Variants in NSMF observed in about 807,000 individuals in gnomAD.
NSMF encodes NMDA receptor synaptonuclear signaling and neuronal migration factor, also known as nasal embryonic LHRH factor.
Under a neutral mutation model 71.0 loss-of-function variants are expected in NSMF, and 31 were observed. That is an observed-to-expected ratio of 0.44 (90% CI 0.33 to 0.59). The LOEUF (loss-of-function observed/expected upper bound fraction) is 0.59. Among genes scored for constraint, NSMF ranks in the 20% least tolerant of loss-of-function variants. The pLI is 0.04. For missense variants in NSMF, 673 were observed against 740.5 expected (o/e 0.91, Z 1.06); for synonymous variants, 345 against 287.1 (o/e 1.20, Z -2.04).
chr9:137,455,042 G>C, intron 6 of NSMF, 197 bp downstream of exon 6: 1 of 739,264 alleles, frequency 1.4e-6, no homozygotes. Flanking sequence ...TGCCCTCGGA[G>C]TGCAGGACTG....
At chr9:137,454,358 C>T in intron 7 of NSMF, 33 bp downstream of exon 7, 1 of 1,544,932 alleles carries the variant, frequency 6.5e-7, no homozygotes, top group East Asian at 2.4e-5. Context: ...AAGCGCAACG[C>T]CGCCCCCCCA....
At chr9:137,455,508 C>T (rs1025639831) in intron 5 of NSMF, 121 bp downstream of exon 5, 14 of 1,280,998 alleles carry the variant, frequency 1.1e-5, no homozygotes, top group African/African-American at 1.0e-4. Context: ...GAGCCAGGCC[C>T]GCAGAGAGCG....
At chr9:137,450,112 G>A (rs761871814) in intron 13 of NSMF, 64 bp downstream of exon 13, 2 of 1,584,800 alleles carry the variant, frequency 1.3e-6, no homozygotes, top group African/African-American at 2.7e-5. Flanking sequence ...TGTGGGGGAG[G>A]GACATGCCAG....
At chr9:137,455,792 A>G (rs1830803082) in intron 4 of NSMF, among the ~76,000 whole-genome samples, 158 bp from the exon 5 acceptor site, 1 of 152,248 alleles carries the variant, frequency 6.6e-6, no homozygotes, top group Admixed American at 6.5e-5. Context: ...GATGCTGGCT[A>G]CACTGCTGGC....
In NSMF at chr9:137,453,274, C is replaced by A; in HGVS notation, c.923-94G>T. On this transcript the variant is annotated intron_variant, in intron 8 of 15. Coordinates refer to ENST00000371475, the MANE Select transcript of NSMF (RefSeq NM_001130969.3). This position sits in a 1 kb window ranked among gnomAD's most constrained non-coding sequence, Gnocchi z 4.5. ...GCCCACAGGGCCCGAAAGCCCCATC[C>A]CGGAGGGTCCTCCAAGCAAGTGGGA... 6.4e-7 allele frequency: 1 copy of A among 1,571,166 alleles called. No individual in the cohort carries two copies. Among genetic ancestry groups the A allele is most frequent in the Non-Finnish European group, 8.6e-7 (1 of 1,160,942 alleles).
In NSMF at chr9:137,453,014, C is replaced by G; in HGVS notation, c.1047+42G>C. 6.2e-7 allele frequency: 1 copy of G among 1,610,430 alleles called. No homozygotes were observed. The highest frequency in any genetic ancestry group is 1.1e-5 in the South Asian group (1 of 91,006). Reference sequence around the variant, plus strand: ...GCTGGACTCGGGTTGGGGCGGAGTCCTGCTCGGGGTGTAGAGGAGCACTGC... The same window carrying G: ...GCTGGACTCGGGTTGGGGCGGAGTCGTGCTCGGGGTGTAGAGGAGCACTGC... On this transcript the variant is annotated intron_variant, in intron 9 of 15. Transcript: ENST00000371475. The surrounding 1 kb of genome is among the most constrained non-coding windows in gnomAD (Gnocchi z 4.5).
At position 137,453,101 on chromosome 9, in the gene NSMF, C is replaced by T. The variant is rs1588500683; in HGVS notation, c.1002G>A (p.Glu334=). ...AGCCTTCGGTGTCGCAGGCCACAGC[C>T]TCCAGGCCCTTCTCAGTGTCCCAGT... ...DLDWDTEKGL[E]AVACDTEGFV... Residue 334 remains glutamate, a synonymous_variant, in exon 9 of 16, where the codon GAG becomes GAA. Coordinates refer to ENST00000371475, the MANE Select transcript of NSMF (RefSeq NM_001130969.3). The surrounding 1 kb of genome is among the most constrained non-coding windows in gnomAD (Gnocchi z 4.5). 8.1e-6 allele frequency: 13 copies of T among 1,612,576 alleles called. No individual in the cohort carries two copies. The highest frequency in any genetic ancestry group is 3.3e-5 in the Admixed American group (2 of 60,008).
chr9:137,455,574 G>A, intron 5 of NSMF, 55 bp downstream of exon 5: 3 of 1,542,148 alleles, frequency 1.9e-6, no homozygotes, highest in Non-Finnish European at 1.8e-6. Context: ...GGGTGGGAGG[G>A]TCTCCCCAGG....
In NSMF at chr9:137,447,943, T is replaced by C. The variant is rs1006652961; in HGVS notation, c.*1451A>G. The C allele has an allele frequency of 1.3e-5, 2 of 152,188 alleles. No homozygotes were observed. Among genetic ancestry groups the C allele is most frequent in the Admixed American group, 1.3e-4 (2 of 15,284 alleles). 9.4% of individuals were successfully genotyped at this position (152,188 alleles called of 1,614,324 possible). A position where few individuals can be genotyped will look rare whatever the true frequency, so the allele number is the denominator to read the frequency against. ...GAGGGACATACAGCCCTCTCCCTGG[T>C]GCCCTCAGGCGGCAGGGGGAACGGG... On this transcript the variant is annotated 3_prime_UTR_variant, in exon 16 of 16. Transcript: ENST00000371475.
rs2132022441 is a variant in NSMF, at chr9:137,458,343, G to GC, written c.133+144dup. On this transcript the variant is annotated intron_variant, in intron 2 of 15. Transcript: ENST00000371475. ...TGCTCCTGGGGCTCGGGCAGGGAGG[G>GC]CAGGGGATGTAAGGAAGCCAGGCCG... 33 of 753,264 alleles carry GC rather than the reference G, an allele frequency of 4.4e-5. 1 individual carries two copies. The South Asian group carries it at 5.2e-4, about 12-fold the overall frequency. 46.7% of individuals were successfully genotyped at this position (753,264 alleles called of 1,614,324 possible).
At chr9:137,458,978 G>C (rs1831032856) in intron 1 of NSMF, 54 bp downstream of exon 1, 1 of 1,237,544 alleles carries the variant, frequency 8.1e-7, no homozygotes, top group African/African-American at 1.6e-5. Context: ...GGCGGACTCG[G>C]GCGGGGTCGG....
intron 10 of NSMF, 29 bp downstream of exon 10, chr9:137,452,707 G>A (rs765189097): frequency 8.1e-6 from 13 of 1,603,254 alleles, no homozygotes; most frequent in Non-Finnish European, 1.1e-5. Context: ...GAGGGCATCT[G>A]TTGGGGGCAG....
rs1295958939 is a variant in NSMF at position 137,452,603 on chromosome 9, G to A, written c.1132-17C>T. 1 of 1,610,918 alleles carries A rather than the reference G, an allele frequency of 6.2e-7. No individual in the cohort carries two copies. Among genetic ancestry groups the A allele is most frequent in the Non-Finnish European group, 8.5e-7 (1 of 1,179,216 alleles). On this transcript the variant is annotated splice_polypyrimidine_tract_variant and intron_variant, in intron 10 of 15. Transcript: ENST00000371475. ...CTCATGGTCCTGGGGACAGACACAG[G>A]CCACAAGGCCACATCAAGGCTGCGT...
intron 3 of NSMF, 104 bp from the exon 4 acceptor site, chr9:137,456,590 A>G: frequency 1.6e-6 from 1 of 610,308 alleles, no homozygotes; most frequent in Non-Finnish European, 3.2e-6. Flanking sequence ...GGTCAGCAGA[A>G]GCTGGCAGCC....
chr9:137,451,080 CTCTTCCCCTTGA>C (rs1242700684), intron 12 of NSMF, among the ~76,000 whole-genome samples: 1 of 69,118 alleles, frequency 1.4e-5, no homozygotes, highest in East Asian at 4.4e-4. Flanking sequence ...CTCCACACGC[CTCTTCCCCTTGA>C]TCTTCCCCTG....
chr9:137,457,308 C>T (rs1830883876), intron 3 of NSMF, 99 bp downstream of exon 3: 2 of 1,533,508 alleles, frequency 1.3e-6, no homozygotes, highest in South Asian at 1.1e-5. Flanking sequence ...GACCTGAGCA[C>T]CTGTTCTCTG....
Position 137,453,936 on chromosome 9 carries a change from G to A in NSMF, c.833-116C>T, listed in dbSNP as rs1830685400. ...CAGAGGAGGAAGCTAATGTGGGTGG[G>A]GTCTAAGGCACATGAAGCAGACACG... On this transcript the variant is annotated intron_variant, in intron 7 of 15. Coordinates refer to ENST00000371475, the MANE Select transcript of NSMF (RefSeq NM_001130969.3). This position sits in a 1 kb window ranked among gnomAD's most constrained non-coding sequence, Gnocchi z 4.5. 5 of 846,496 alleles carry A rather than the reference G, an allele frequency of 5.9e-6. No individual in the cohort carries two copies. Among genetic ancestry groups the A allele is most frequent in the Middle Eastern group, 3.0e-4 (1 of 3,312 alleles). The allele number at this position is 846,496 out of a possible 1,614,324, so 52.4% of individuals were successfully genotyped here.
intron 2 of NSMF, 72 bp from the exon 3 acceptor site, chr9:137,457,973 G>A (rs1830931222): frequency 3.3e-6 from 5 of 1,532,706 alleles, no homozygotes; most frequent in East Asian, 2.4e-5. Flanking sequence ...GCAGGCCGAA[G>A]GCAGAGAACA....
chr9:137,449,990 A>G lies in NSMF; in HGVS notation c.1352T>C (p.Val451Ala), dbSNP rs1830391091. The G allele has an allele frequency of 6.2e-7, 1 of 1,613,126 alleles. No individual in the cohort carries two copies. The highest frequency in any genetic ancestry group is 8.5e-7 in the Non-Finnish European group (1 of 1,179,910). ...WKRLSRLMSK[V>A]NPEPNVIHIM... ...GTGGATGACGTTCGGCTCTGGGTTC[A>G]CTTTGCTCATCAGGCGGCTCAGCCG... is the stretch of plus-strand genomic sequence containing the variant. Residue 451 changes from valine (V) to alanine (A), a missense_variant, in exon 14 of 16, where the codon GTG becomes GCG. Around this residue, in one of 2 missense-constraint regions of NSMF, gnomAD observed 202 missense variants for 280.8 expected, o/e 0.72. Transcript: ENST00000371475.
Sources: gnomAD v4.1 joint callset for allele counts (sites outside exome capture counted in the v4.1 genomes callset) on GRCh38, gnomAD v4.1.1 for gene constraint, gnomAD v4.1.1 regional missense constraint, Gnocchi (gnomAD v3.1) non-coding constraint, MANE v1.5 for transcripts, NCBI Gene and HGNC (gene_info 2026-07-23, HGNC 2026-07-21) for gene names.